Variants in WARS1 observed in about 807,000 individuals in gnomAD.
The protein encoded by WARS1 is tryptophan--tRNA ligase, cytoplasmic.
WARS1 carries 17 observed loss-of-function variants against 47.8 expected under a neutral mutation model. The ratio of observed to expected loss-of-function variants is 0.36; its 90% CI spans 0.24 to 0.53. The LOEUF (loss-of-function observed/expected upper bound fraction) is 0.53. WARS1 is among the 20% of genes least tolerant of loss of function. The probability of loss-of-function intolerance (pLI) is 0.91; values close to 1 mark genes in which losing one functional copy is unlikely to be tolerated. For synonymous variants in WARS1, 208 were observed against 228.1 expected (o/e 0.91, Z 0.79); for missense variants, 434 against 608.0 (o/e 0.71, Z 3.01).
chr14:100,342,268 G>A, intron 9 of WARS1, 130 bp downstream of exon 9: 2 of 1,306,268 alleles, frequency 1.5e-6, no homozygotes, highest in East Asian at 2.5e-5. Flanking sequence ...TGGCAATCCT[G>A]GAGTTCAGCA....
intron 9 of WARS1, among the ~76,000 whole-genome samples, chr14:100,339,309 G>A (rs1342520118): frequency 6.6e-6 from 1 of 151,700 alleles, no homozygotes; most frequent in Non-Finnish European, 1.5e-5. Flanking sequence ...GCCCATGCGA[G>A]GGGCTGGCGC....
At chr14:100,340,637 C>T (rs1228074279) in intron 9 of WARS1, 1 of 152,120 alleles carries the variant, frequency 6.6e-6, no homozygotes, top group African/African-American at 2.4e-5. Flanking sequence ...CGTGCCACTG[C>T]CCTGCCTGAA....
At chr14:100,339,335 T>C (rs1371823437) in intron 9 of WARS1, among the ~76,000 whole-genome samples, 1 of 152,178 alleles carries the variant, frequency 6.6e-6, no homozygotes, top group Non-Finnish European at 1.5e-5. Context: ...CTCACGCCTG[T>C]AATCCCAGCA....
At chr14:100,363,063 A>G (rs1272050317) in intron 2 of WARS1, among the ~76,000 whole-genome samples, 4 of 152,212 alleles carry the variant, frequency 2.6e-5, no homozygotes, top group Non-Finnish European at 5.9e-5. Flanking sequence ...TGTTCCACCC[A>G]TCTCATTTCT....
At chr14:100,366,579 C>CAG (rs891990629) in intron 2 of WARS1, 24 of 667,828 alleles carry the variant, frequency 3.6e-5, no homozygotes, top group African/African-American at 7.3e-5. Context: ...ATTAAGATCT[C>CAG]AGAGAGAGAG....
chr14:100,355,924 GT>G (rs763375064), intron 4 of WARS1, among the ~76,000 whole-genome samples: 1 of 152,182 alleles, frequency 6.6e-6, no homozygotes, highest in Non-Finnish European at 1.5e-5. Flanking sequence ...AGAAAAAAAT[GT>G]AACTGTGCCA....
chr14:100,366,314 C>T (rs1895990296), intron 2 of WARS1, among the ~76,000 whole-genome samples: 1 of 152,172 alleles, frequency 6.6e-6, no homozygotes, highest in Non-Finnish European at 1.5e-5. Flanking sequence ...GATCTAAAGA[C>T]CTTGACACGA....
At chr14:100,347,371 C>G (rs532359376) in intron 6 of WARS1, among the ~76,000 whole-genome samples, 2 of 152,174 alleles carry the variant, frequency 1.3e-5, no homozygotes, top group Non-Finnish European at 2.9e-5. Flanking sequence ...CTGCTCCCCC[C>G]TGCTGTTTGG....
intron 1 of WARS1, among the ~76,000 whole-genome samples, chr14:100,370,845 T>C (rs996008330): frequency 2.0e-5 from 3 of 151,624 alleles, no homozygotes; most frequent in African/African-American, 7.3e-5. Flanking sequence ...TGGGAGGCTA[T>C]AGCAGGAAGA....
At chr14:100,344,652 G>C (rs1462933291) in intron 7 of WARS1, among the ~76,000 whole-genome samples, 3 of 150,592 alleles carry the variant, frequency 2.0e-5, no homozygotes, top group Non-Finnish European at 4.4e-5. Flanking sequence ...GCCTCTTCCC[G>C]GCCGCCATCC....
At chr14:100,357,222 A>C (rs1895376004) in intron 4 of WARS1, among the ~76,000 whole-genome samples, 1 of 152,210 alleles carries the variant, frequency 6.6e-6, no homozygotes, top group Non-Finnish European at 1.5e-5. Context: ...GATCAGGAAT[A>C]AGACAAGGAT....
In WARS1 at chr14:100,341,379, G is replaced by A. The variant is rs540124785; in HGVS notation, c.1113+1019C>T. On this transcript the variant is annotated intron_variant, in intron 9 of 10. Coordinates refer to ENST00000392882, the MANE Select transcript of WARS1 (RefSeq NM_004184.4). ...ATACCAGCTTCCAACTGAGTGGGGA[G>A]AGTTGGTGGAGGGCATGTCTTAGGA... Among the ~76,000 whole-genome samples, 3 of 152,336 alleles carry A rather than the reference G, an allele frequency of 2.0e-5. No individual in the cohort carries two copies. In the South Asian group the frequency reaches 6.2e-4, roughly 32 times the overall value.
In WARS1 at chr14:100,358,928, C is replaced by T. The variant is rs534346091; in HGVS notation, c.422+1626G>A. On this transcript the variant is annotated intron_variant, in intron 4 of 10. Transcript: ENST00000392882. ...AGCACATGAAAAGATTCTCAACATCCTTGTCATTAGGGAAATACAATCAAA... is the reference window on the plus strand; with the variant it reads ...AGCACATGAAAAGATTCTCAACATCTTTGTCATTAGGGAAATACAATCAAA... Among the ~76,000 whole-genome samples the T allele has an allele frequency of 2.4e-4, 37 of 152,278 alleles. 1 individual carries two copies. The South Asian group carries it at 6.8e-3, about 28-fold the overall frequency.
At chr14:100,337,320 G>T in intron 9 of WARS1, 118 bp from the exon 10 acceptor site, 1 of 1,465,382 alleles carries the variant, frequency 6.8e-7, no homozygotes, top group East Asian at 2.3e-5. Context: ...TCTGGACCCG[G>T]GAAAGGCCAA....
intron 9 of WARS1, among the ~76,000 whole-genome samples, chr14:100,341,144 G>T (rs1435242640): frequency 6.6e-6 from 1 of 152,110 alleles, no homozygotes; most frequent in African/African-American, 2.4e-5. Context: ...TCGAACTCCT[G>T]ACCTCAGGTG....
chr14:100,354,654 C>T lies in WARS1; in HGVS notation c.423-88G>A, dbSNP rs992063060. 2.8e-6 allele frequency: 4 copies of T among 1,428,696 alleles called. No homozygotes were observed. The African/African-American group carries it at 4.3e-5, about 15-fold the overall frequency. The allele number at this position is 1,428,696 out of a possible 1,614,324, so 88.5% of individuals were successfully genotyped here. ...CACTTTTGGAAATGGAAAATATAGA[C>T]AGAGACGAAACAACATGGATAATAA... On this transcript the variant is annotated intron_variant, in intron 4 of 10. Coordinates refer to ENST00000392882, the MANE Select transcript of WARS1 (RefSeq NM_004184.4).
At chr14:100,350,271 A>G (rs1037589344) in intron 6 of WARS1, among the ~76,000 whole-genome samples, 7 of 151,982 alleles carry the variant, frequency 4.6e-5, no homozygotes, top group African/African-American at 1.7e-4. Flanking sequence ...GGGCGCCTGT[A>G]ATCCCAGCTA....
intron 10 of WARS1, 40 bp from the exon 11 acceptor site, chr14:100,335,076 A>G: frequency 1.3e-6 from 2 of 1,598,152 alleles, no homozygotes; most frequent in East Asian, 2.2e-5. Context: ...ATGGCTCCAC[A>G]TGTCCTGAGT....
At chr14:100,363,248 G>A (rs929868065) in intron 2 of WARS1, among the ~76,000 whole-genome samples, 1 of 151,954 alleles carries the variant, frequency 6.6e-6, no homozygotes. Flanking sequence ...TAACTAGGAG[G>A]CTCTGCGAAA....
Sources: gnomAD v4.1 joint callset for allele counts (sites outside exome capture counted in the v4.1 genomes callset) on GRCh38, gnomAD v4.1.1 for gene constraint, MANE v1.5 for transcripts, NCBI Gene and HGNC (gene_info 2026-07-23, HGNC 2026-07-21) for gene names.